SCMH1: variants seen among roughly 807,000 people sequenced by gnomAD.
SCMH1 encodes polycomb protein SCMH1.
In SCMH1, 37 loss-of-function variants were observed where a neutral mutation model predicts 70.8. The observed-to-expected ratio is 0.52, with a 90% CI of 0.40 to 0.69. SCMH1 has a LOEUF of 0.69. Among genes scored for constraint, SCMH1 ranks in the 30% least tolerant of loss-of-function variants. The pLI is 0.00. For synonymous variants in SCMH1, 292 were observed against 307.4 expected (o/e 0.95, Z 0.52); for missense variants, 607 against 827.3 (o/e 0.73, Z 3.27).
intron 1 of SCMH1, among the ~76,000 whole-genome samples, chr1:41,216,976 C>T (rs1361349901): frequency 6.6e-6 from 1 of 152,136 alleles, no homozygotes; most frequent in Non-Finnish European, 1.5e-5. Flanking sequence ...TGCCAGGAAA[C>T]TAATACAGAT....
chr1:41,074,070 G>A (rs997405776), intron 9 of SCMH1, among the ~76,000 whole-genome samples: 1 of 142,930 alleles, frequency 7.0e-6, no homozygotes, highest in African/African-American at 2.5e-5. Flanking sequence ...GCTGACAGAA[G>A]TCTTTTTTTT....
chr1:41,058,251 G>A (rs1040271763), intron 10 of SCMH1, among the ~76,000 whole-genome samples: 6 of 151,900 alleles, frequency 3.9e-5, no homozygotes, highest in African/African-American at 1.5e-4. Context: ...TGAAGAAATG[G>A]TCTCAATCAA....
intron 9 of SCMH1, among the ~76,000 whole-genome samples, chr1:41,073,822 A>G (rs6696524): frequency 0.85 from 129,224 of 152,200 alleles, 55,348 homozygotes; most frequent in East Asian, 0.96. Context: ...GAAGTCAGTG[A>G]AAGCTAATAA....
At chr1:41,160,054 C>G in intron 4 of SCMH1, 1 of 245,440 alleles carries the variant, frequency 4.1e-6, no homozygotes, top group Non-Finnish European at 7.7e-6. Flanking sequence ...GTTCTGACTC[C>G]TAGTCTAGTG....
At chr1:41,070,147 A>G (rs1655984637) in intron 10 of SCMH1, among the ~76,000 whole-genome samples, 1 of 151,996 alleles carries the variant, frequency 6.6e-6, no homozygotes, top group Non-Finnish European at 1.5e-5. Context: ...TTACCCACCC[A>G]TTTCATCCAC....
chr1:41,175,745 T>C (rs567959226), intron 2 of SCMH1, among the ~76,000 whole-genome samples: 28 of 152,304 alleles, frequency 1.8e-4, no homozygotes, highest in Non-Finnish European at 3.1e-4. Flanking sequence ...TGCAGCAACA[T>C]TGGCCAGTGT....
rs140847597 is a variant in SCMH1, at chr1:41,196,921, A to T, written c.-117-10671T>A. Reference sequence around the variant, plus strand: ...AGACAATTCTCCAAAGAAGATATACAGATGGCCAATAACCACATGAAAAGA... The same window carrying T: ...AGACAATTCTCCAAAGAAGATATACTGATGGCCAATAACCACATGAAAAGA... On this transcript the variant is annotated intron_variant, in intron 1 of 14. Coordinates refer to ENST00000337495, the Ensembl canonical transcript of SCMH1. 3.6e-3 allele frequency among the ~76,000 whole-genome samples: 542 copies of T among 152,336 alleles called. 5 individuals carry two copies. Among genetic ancestry groups the T allele is most frequent in the South Asian group, 0.019 (91 of 4,830 alleles).
chr1:41,075,100 G>C lies in SCMH1; in HGVS notation c.978+119C>G. 11 of 899,702 alleles carry C rather than the reference G, an allele frequency of 1.2e-5. No homozygotes were observed. The South Asian group carries it at 1.5e-4, about 12-fold the overall frequency. 55.7% of individuals were successfully genotyped at this position (899,702 alleles called of 1,614,324 possible). On this transcript the variant is annotated intron_variant, in intron 9 of 14. Coordinates refer to ENST00000337495, the Ensembl canonical transcript of SCMH1. ...GATGGTCTCGATCTCCTGACCTCAT[G>C]ATCCGCCCGCCTCGGCCTCCCATTA...
chr1:41,081,812 T>C (rs1005705825), intron 8 of SCMH1, among the ~76,000 whole-genome samples: 2 of 67,726 alleles, frequency 3.0e-5, no homozygotes, highest in African/African-American at 1.5e-4. Context: ...AGAATAAGAC[T>C]CTGTCTTAAA....
chr1:41,028,438 A>G (rs1030555097), intron 14 of SCMH1, 119 bp from the exon 16 acceptor site: 7 of 1,510,080 alleles, frequency 4.6e-6, no homozygotes, highest in Non-Finnish European at 6.4e-6. Context: ...CATGGAGTCC[A>G]GTTCACCTGC....
intron 6 of SCMH1, among the ~76,000 whole-genome samples, chr1:41,128,024 A>G (rs1461658082): frequency 6.6e-6 from 1 of 152,212 alleles, no homozygotes; most frequent in Non-Finnish European, 1.5e-5. Flanking sequence ...TTTATCATAT[A>G]GCAAATTTTC....
chr1:41,097,793 A>G (rs901226844), intron 8 of SCMH1, among the ~76,000 whole-genome samples: 1 of 152,366 alleles, frequency 6.6e-6, no homozygotes, highest in African/African-American at 2.4e-5. Context: ...AACAGGTCAT[A>G]AAGATCTGTC....
At chr1:41,030,687 C>G (rs1008810712) in intron 13 of SCMH1, among the ~76,000 whole-genome samples, 1 of 152,178 alleles carries the variant, frequency 6.6e-6, no homozygotes, top group African/African-American at 2.4e-5. Context: ...CAGTACATAT[C>G]GTTACCTAAA....
At chr1:41,076,257 C>G (rs918665416) in intron 8 of SCMH1, among the ~76,000 whole-genome samples, 3 of 152,194 alleles carry the variant, frequency 2.0e-5, no homozygotes, top group African/African-American at 7.2e-5. Context: ...TTATTGAGGA[C>G]TTCTCTGACC....
chr1:41,059,300 T>A (rs1651724160), intron 10 of SCMH1, among the ~76,000 whole-genome samples: 1 of 152,210 alleles, frequency 6.6e-6, no homozygotes. Flanking sequence ...ATGTTGCCTT[T>A]TGGCCTGCCA....
chr1:41,205,221 A>G (rs937855973), intron 1 of SCMH1, among the ~76,000 whole-genome samples: 2 of 152,204 alleles, frequency 1.3e-5, no homozygotes, highest in African/African-American at 4.8e-5. Flanking sequence ...ACGGAGGGCA[A>G]GCCGAAGCAT....
At chr1:41,072,482 C>G (rs1461692127) in intron 9 of SCMH1, among the ~76,000 whole-genome samples, 2 of 152,190 alleles carry the variant, frequency 1.3e-5, no homozygotes, top group African/African-American at 4.8e-5. Context: ...CAAAGTCACA[C>G]AGGTGGTAAC....
At chr1:41,132,524 T>C (rs1477191806) in intron 6 of SCMH1, among the ~76,000 whole-genome samples, 1 of 152,214 alleles carries the variant, frequency 6.6e-6, no homozygotes, top group Admixed American at 6.5e-5. Context: ...TGGTTTCTTT[T>C]GCTGTGCAGA....
chr1:41,051,825 T>C (rs1419930309), intron 10 of SCMH1, among the ~76,000 whole-genome samples: 1 of 152,158 alleles, frequency 6.6e-6, no homozygotes, highest in Non-Finnish European at 1.5e-5. Flanking sequence ...TAATTTATTA[T>C]TGAAGAAAAT....
Sources: gnomAD v4.1 joint callset for allele counts (sites outside exome capture counted in the v4.1 genomes callset) on GRCh38, gnomAD v4.1.1 for gene constraint, MANE v1.5 for transcripts, NCBI Gene and HGNC (gene_info 2026-07-23, HGNC 2026-07-21) for gene names.